Variants in JRK observed in about 807,000 individuals in gnomAD.
JRK encodes the protein jerky protein homolog.
For synonymous variants in JRK, 303 were observed against 218.1 expected (o/e 1.39, Z -3.43); for missense variants, 720 against 509.2 (o/e 1.41, Z -3.98).
At chr8:142,652,163 CA>C in the JRK span, among the ~76,000 whole-genome samples, 1 of 152,110 alleles carries the variant, frequency 6.6e-6, no homozygotes, top group Non-Finnish European at 1.5e-5. Context: ...ACTAAGCACT[CA>C]TAGGAGATTT....
chr8:142,656,323 C>A (rs1283442916), downstream of JRK, among the ~76,000 whole-genome samples: 3 of 152,200 alleles, frequency 2.0e-5, no homozygotes, highest in Non-Finnish European at 4.4e-5. Flanking sequence ...CCTCTGACTG[C>A]ATCTCAGTTT....
chr8:142,651,727 C>T, the JRK span, among the ~76,000 whole-genome samples: 1 of 152,148 alleles, frequency 6.6e-6, no homozygotes, highest in Non-Finnish European at 1.5e-5. Context: ...CAAACAATTG[C>T]ACAACTTATA....
In JRK at chr8:142,657,809, CA is replaced by C. The variant is rs1554633888; in HGVS notation, c.*6542del. On this transcript the variant is annotated 3_prime_UTR_variant, in exon 2 of 2. Transcript: ENST00000612905. The stretch of plus-strand genomic sequence containing the variant: ...ATTTCCATATAAGATTAGAAAGGGA[CA>C]AACATCCAAACTGTATCATGGCAGA... The C allele has an allele frequency of 6.6e-6, 1 of 152,262 alleles. No homozygotes were observed. Among genetic ancestry groups the C allele is most frequent in the Non-Finnish European group, 1.5e-5 (1 of 68,044 alleles). 9.4% of individuals were successfully genotyped at this position (152,262 alleles called of 1,614,324 possible).
Position 142,663,095 on chromosome 8 carries a change from G to A in JRK, c.*1257C>T. ...TCAAGCCAGGGAGGTCGAGGCTGCA[G>A]TGAGCTGGGATCACACCACTTCACT... On this transcript the variant is annotated 3_prime_UTR_variant, in exon 2 of 2. Transcript: ENST00000612905. 1 of 927,754 alleles carries A rather than the reference G, an allele frequency of 1.1e-6. No individual in the cohort carries two copies. Among genetic ancestry groups the A allele is most frequent in the Non-Finnish European group, 1.3e-6 (1 of 777,398 alleles). The allele number at this position is 927,754 out of a possible 1,614,324, so 57.5% of individuals were successfully genotyped here.
At chr8:142,646,295 T>C in the JRK span, among the ~76,000 whole-genome samples, 1 of 152,228 alleles carries the variant, frequency 6.6e-6, no homozygotes, top group Non-Finnish European at 1.5e-5. Flanking sequence ...TTCCTGAGTG[T>C]AGGTCAAACT....
At position 142,664,522 on chromosome 8, in the gene JRK, C is replaced by T. The variant is rs1554635147; in HGVS notation, c.1537G>A (p.Gly513Arg). ...RQPCFSAQEVGQLRALRAVFR... is the reference protein window; with the variant it reads ...RQPCFSAQEVRQLRALRAVFR... Reference sequence around the variant, plus strand: ...ACGGCACGCAGCGCCCGCAGCTGCCCCACTTCCTGCGCACTGAAGCATGGC... The same window carrying T: ...ACGGCACGCAGCGCCCGCAGCTGCCTCACTTCCTGCGCACTGAAGCATGGC... Residue 513 changes from glycine (G) to arginine (R), a missense_variant, in exon 2 of 2, where the codon GGG becomes AGG. Physicochemically the swap from Gly to Arg is moderately radical, Grantham distance 125. Coordinates refer to ENST00000612905, the MANE Select transcript of JRK (RefSeq NM_003724.4). The T allele has an allele frequency of 6.2e-7, 1 of 1,609,116 alleles. No individual in the cohort carries two copies. The highest frequency in any genetic ancestry group is 8.5e-7 in the Non-Finnish European group (1 of 1,178,516).
downstream of JRK, among the ~76,000 whole-genome samples, chr8:142,655,988 TACC>T (rs1396822063): frequency 2.0e-5 from 3 of 152,250 alleles, no homozygotes; most frequent in East Asian, 1.9e-4. Flanking sequence ...CCTTTAGTTT[TACC>T]ACCTTTAGTT....
chr8:142,667,714 G>C (rs1231937185), intron 1 of JRK, among the ~76,000 whole-genome samples: 1 of 152,180 alleles, frequency 6.6e-6, no homozygotes, highest in African/African-American at 2.4e-5. Flanking sequence ...CCAATAGGAA[G>C]AAAAATGACA....
Position 142,666,373 on chromosome 8 carries a change from C to T in JRK, c.-315G>A, listed in dbSNP as rs587754249. 4.2e-4 allele frequency: 200 copies of T among 478,534 alleles called. 3 individuals are homozygous for T. The highest frequency in any genetic ancestry group is 3.5e-3 in the South Asian group (164 of 46,582). 29.6% of individuals were successfully genotyped at this position (478,534 alleles called of 1,614,324 possible). ...TCAGACTCCCCTCTGCTGCTCCACA[C>T]GGCTGGAACTCCGGCCTTCTCTGTG... On this transcript the variant is annotated 5_prime_UTR_variant, in exon 2 of 2. It adds an upstream start codon to the 5' untranslated region. Coordinates refer to ENST00000612905, the MANE Select transcript of JRK (RefSeq NM_003724.4).
chr8:142,648,174 T>C, the JRK span, among the ~76,000 whole-genome samples: 58 of 152,272 alleles, frequency 3.8e-4, no homozygotes, highest in African/African-American at 1.3e-3. Context: ...AAAGAGAGCA[T>C]AAAAGTTTGG....
chr8:142,651,369 A>G, the JRK span, among the ~76,000 whole-genome samples: 1 of 151,988 alleles, frequency 6.6e-6, no homozygotes, highest in African/African-American at 2.4e-5. Flanking sequence ...GACTTGATTT[A>G]GGAACCAAAC....
chr8:142,664,163 A>G lies in JRK; in HGVS notation c.*189T>C, dbSNP rs1847004826. On this transcript the variant is annotated 3_prime_UTR_variant, in exon 2 of 2. Transcript: ENST00000612905. The stretch of plus-strand genomic sequence containing the variant: ...CGGCAAGTGATAAAATAAAACCTGT[A>G]TTGACAGGAACCTCGGGCACAGACC... The G allele has an allele frequency of 5.2e-6, 7 of 1,354,912 alleles. No individual in the cohort carries two copies. The highest frequency in any genetic ancestry group is 6.6e-6 in the Non-Finnish European group (7 of 1,055,462). 83.9% of individuals were successfully genotyped at this position (1,354,912 alleles called of 1,614,324 possible).
Position 142,664,866 on chromosome 8 carries a change from T to A in JRK, c.1193A>T (p.Glu398Val). 6.9e-7 allele frequency: 1 copy of A among 1,453,726 alleles called. No individual in the cohort carries two copies. The highest frequency in any genetic ancestry group is 1.1e-5 in the South Asian group (1 of 86,968). The allele number at this position is 1,453,726 out of a possible 1,614,324, so 90.1% of individuals were successfully genotyped here. Reference sequence around the variant, plus strand: ...GAAGCACTCTGCCTCCAACTCCTCCTCAGAGGAGGAGCCTTCGGCAAACGC... The same window carrying A: ...GAAGCACTCTGCCTCCAACTCCTCCACAGAGGAGGAGCCTTCGGCAAACGC... ...SVAFAEGSSS[E>V]EELEAECFPV... Residue 398 changes from glutamate to valine, a missense_variant, in exon 2 of 2, where the codon GAG becomes GTG. Transcript: ENST00000612905.
Position 142,659,786 on chromosome 8 carries a change from G to C in JRK, c.*4566C>G, listed in dbSNP as rs1183887124. 3.0e-6 allele frequency: 3 copies of C among 985,452 alleles called. No individual in the cohort carries two copies. The highest frequency in any genetic ancestry group is 3.5e-5 in the African/African-American group (2 of 57,252). 61.0% of individuals were successfully genotyped at this position (985,452 alleles called of 1,614,324 possible). On this transcript the variant is annotated 3_prime_UTR_variant, in exon 2 of 2. Coordinates refer to ENST00000612905, the MANE Select transcript of JRK (RefSeq NM_003724.4). ...AGGGAGTGAGCAGTGGAGAACGTGAGGCTGGTCATTAGGAGCAGGTAGCCC... is the reference window on the plus strand; with the variant it reads ...AGGGAGTGAGCAGTGGAGAACGTGACGCTGGTCATTAGGAGCAGGTAGCCC...
Position 142,663,464 on chromosome 8 carries a change from C to T in JRK, c.*888G>A. On this transcript the variant is annotated 3_prime_UTR_variant, in exon 2 of 2. Coordinates refer to ENST00000612905, the MANE Select transcript of JRK (RefSeq NM_003724.4). ...CTGTTTTCAGTGACTTACGTGCAAA[C>T]CTAAGACTAATCTCTGAATGTCTGA... 1 of 985,452 alleles carries T rather than the reference C, an allele frequency of 1.0e-6. No individual in the cohort carries two copies. The highest frequency in any genetic ancestry group is 4.7e-5 in the South Asian group (1 of 21,284). 61.0% of individuals were successfully genotyped at this position (985,452 alleles called of 1,614,324 possible).
chr8:142,649,356 C>T, the JRK span, among the ~76,000 whole-genome samples: 1 of 152,154 alleles, frequency 6.6e-6, no homozygotes, highest in African/African-American at 2.4e-5. Context: ...GTGGGAGGGA[C>T]CCAGTGGGAG....
chr8:142,666,009 C>T lies in JRK; in HGVS notation c.50G>A (p.Arg17Lys). 1 of 1,442,134 alleles carries T rather than the reference C, an allele frequency of 6.9e-7. No individual in the cohort carries two copies. Among genetic ancestry groups the T allele is most frequent in the Non-Finnish European group, 9.8e-7 (1 of 1,023,698 alleles). The allele number at this position is 1,442,134 out of a possible 1,614,324, so 89.3% of individuals were successfully genotyped here. A position where few individuals can be genotyped will look rare whatever the true frequency, so the allele number is the denominator to read the frequency against. ...AGKSRGEKRKRVVLTLKEKID... is the reference protein window; with the variant it reads ...AGKSRGEKRKKVVLTLKEKID... ...CTTCTCCTTCAGTGTCAGCACCACC[C>T]TCTTCCGCTTCTCCCCTCTGCTCTT... is the stretch of plus-strand genomic sequence containing the variant. The change falls in exon 2 of 2, where the codon AGG becomes AAG. Residue 17 changes from arginine to lysine, a missense_variant. By Grantham distance (26) the Arg-to-Lys change is conservative. Coordinates refer to ENST00000612905, the MANE Select transcript of JRK (RefSeq NM_003724.4).
In JRK at chr8:142,660,359, G is replaced by T. The variant is rs587654347; in HGVS notation, c.*3993C>A. 2.7e-5 allele frequency: 27 copies of T among 985,196 alleles called. No homozygotes were observed. The highest frequency in any genetic ancestry group is 6.2e-5 in the Admixed American group (1 of 16,228). 61.0% of individuals were successfully genotyped at this position (985,196 alleles called of 1,614,324 possible). Reference sequence around the variant, plus strand: ...ACATCCTGACCCCTACCTACCTCATGACCTCCCCGACCCTGATCTCCACAC... The same window carrying T: ...ACATCCTGACCCCTACCTACCTCATTACCTCCCCGACCCTGATCTCCACAC... On this transcript the variant is annotated 3_prime_UTR_variant, in exon 2 of 2. Transcript: ENST00000612905.
rs374667944 is a variant in JRK at position 142,665,741 on chromosome 8, G to T, written c.318C>A (p.Pro106=). 3.9e-6 allele frequency: 3 copies of T among 772,566 alleles called. No homozygotes were observed. Among genetic ancestry groups the T allele is most frequent in the East Asian group, 2.4e-5 (1 of 41,044 alleles). 47.9% of individuals were successfully genotyped at this position (772,566 alleles called of 1,614,324 possible). ...TCTCGATGAGCATGGGGCCTGACAC[G>T]GGGACGCCCTCGGAGCGCTTCCCCA... ...WFLGKRSEGV[P]VSGPMLIEKA... The change falls in exon 2 of 2, where the codon CCC becomes CCA. Residue 106 remains proline (P), a synonymous_variant. Coordinates refer to ENST00000612905, the MANE Select transcript of JRK (RefSeq NM_003724.4).
Sources: allele counts gnomAD v4.1 joint callset (sites outside exome capture counted in the v4.1 genomes callset), GRCh38; gene constraint gnomAD v4.1.1; transcripts MANE v1.5; gene names NCBI Gene and HGNC (gene_info 2026-07-23, HGNC 2026-07-21).